Variants in CADM2 observed in about 807,000 individuals in gnomAD.
CADM2 encodes cell adhesion molecule 2.
CADM2 carries 12 observed loss-of-function variants against 49.8 expected under a neutral mutation model. The observed-to-expected ratio is 0.24, with a 90% CI of 0.15 to 0.39. CADM2 has a LOEUF of 0.39. Among genes scored for constraint, CADM2 ranks in the 10% least tolerant of loss-of-function variants. The pLI is 1.00. For synonymous variants in CADM2, 214 were observed against 175.4 expected (o/e 1.22, Z -1.74); for missense variants, 378 against 492.3 (o/e 0.77, Z 2.20).
At chr3:86,040,970 C>A (rs532034216) in intron 8 of CADM2, among the ~76,000 whole-genome samples, 1 of 152,086 alleles carries the variant, frequency 6.6e-6, no homozygotes, top group Non-Finnish European at 1.5e-5. Flanking sequence ...AATTTCATAT[C>A]CAGCCAAACT....
At chr3:85,354,365 AG>A (rs1348699271) in intron 1 of CADM2, among the ~76,000 whole-genome samples, 23 of 49,422 alleles carry the variant, frequency 4.7e-4, no homozygotes, top group South Asian at 1.6e-3. Flanking sequence ...GGGTGGGGGG[AG>A]GGGGGAGGGA....
At chr3:85,321,664 C>T (rs2044615588) in intron 1 of CADM2, among the ~76,000 whole-genome samples, 1 of 152,012 alleles carries the variant, frequency 6.6e-6, no homozygotes, top group East Asian at 1.9e-4. Flanking sequence ...GCTTATACAT[C>T]TCAAGTTCTG....
chr3:85,290,279 G>T (rs1167953756), intron 1 of CADM2, among the ~76,000 whole-genome samples: 1 of 152,140 alleles, frequency 6.6e-6, no homozygotes, highest in African/African-American at 2.4e-5. Flanking sequence ...ACCTGGCTCG[G>T]AGGGTCCTAC....
At chr3:85,884,675 C>T (rs1356035363) in intron 4 of CADM2, among the ~76,000 whole-genome samples, 1 of 150,972 alleles carries the variant, frequency 6.6e-6, no homozygotes, top group Non-Finnish European at 1.5e-5. Flanking sequence ...CTTTGTTGTT[C>T]CTGTTGTTTA....
intron 1 of CADM2, among the ~76,000 whole-genome samples, chr3:84,964,936 A>C (rs1002548338): frequency 2.0e-5 from 3 of 152,178 alleles, no homozygotes; most frequent in African/African-American, 4.8e-5. Context: ...GGTTTATGAA[A>C]GTTATCCTAA....
intron 1 of CADM2, among the ~76,000 whole-genome samples, chr3:85,329,740 A>C (rs1444439606): frequency 6.6e-6 from 1 of 151,872 alleles, no homozygotes; most frequent in East Asian, 1.9e-4. Context: ...CATATATAAC[A>C]TATGTTTCCA....
chr3:85,439,462 A>C (rs2037092267), intron 1 of CADM2, among the ~76,000 whole-genome samples: 1 of 152,112 alleles, frequency 6.6e-6, no homozygotes, highest in African/African-American at 2.4e-5. Context: ...CAATGACTTG[A>C]TTTTTGACTG....
intron 1 of CADM2, among the ~76,000 whole-genome samples, chr3:85,630,506 T>C (rs2064276695): frequency 1.3e-5 from 2 of 151,976 alleles, no homozygotes; most frequent in Non-Finnish European, 2.9e-5. Context: ...TATAAAATCA[T>C]GTGAGTAGAT....
chr3:85,669,705 C>G (rs2065678622), intron 1 of CADM2, among the ~76,000 whole-genome samples: 1 of 151,858 alleles, frequency 6.6e-6, no homozygotes, highest in African/African-American at 2.4e-5. Context: ...TTCATGGATC[C>G]CTAGAATGAT....
At chr3:85,264,513 T>C (rs535115238) in intron 1 of CADM2, among the ~76,000 whole-genome samples, 1 of 152,226 alleles carries the variant, frequency 6.6e-6, no homozygotes, top group Non-Finnish European at 1.5e-5. Flanking sequence ...ACTTGCCTAG[T>C]TTCTGGCACT....
intron 2 of CADM2, among the ~76,000 whole-genome samples, chr3:85,782,219 T>C (rs1216447099): frequency 6.6e-6 from 1 of 152,192 alleles, no homozygotes; most frequent in African/African-American, 2.4e-5. Context: ...GGTTTACTCA[T>C]AGGAGGTGTT....
chr3:85,699,821 C>T (rs961866535), intron 1 of CADM2, among the ~76,000 whole-genome samples: 1 of 152,210 alleles, frequency 6.6e-6, no homozygotes, highest in Non-Finnish European at 1.5e-5. Context: ...TTTACTTATG[C>T]AAATTTATGT....
chr3:85,659,324 G>C (rs1162378248), intron 1 of CADM2, among the ~76,000 whole-genome samples: 2 of 151,614 alleles, frequency 1.3e-5, no homozygotes, highest in Admixed American at 1.3e-4. Flanking sequence ...AATTTTTGCT[G>C]CCTGATACAT....
intron 1 of CADM2, among the ~76,000 whole-genome samples, chr3:85,073,578 C>T (rs1328932870): frequency 6.6e-6 from 1 of 152,056 alleles, no homozygotes; most frequent in African/African-American, 2.4e-5. Context: ...TTACAATGGC[C>T]TATAGTGCTT....
chr3:86,038,736 T>C (rs1735475920), intron 8 of CADM2, among the ~76,000 whole-genome samples: 1 of 152,196 alleles, frequency 6.6e-6, no homozygotes, highest in Admixed American at 6.5e-5. Context: ...AATTGTCAAA[T>C]AACTCTGCAT....
intron 1 of CADM2, among the ~76,000 whole-genome samples, chr3:85,193,218 T>A (rs1031169447): frequency 3.0e-4 from 45 of 152,112 alleles, no homozygotes; most frequent in African/African-American, 1.1e-3. Flanking sequence ...GTTGTCTGAC[T>A]TCATTTTTAA....
intron 8 of CADM2, among the ~76,000 whole-genome samples, chr3:86,060,812 TCTCTA>T (rs1738542710): frequency 6.6e-6 from 1 of 151,990 alleles, no homozygotes; most frequent in Admixed American, 6.6e-5. Flanking sequence ...TGAAACCTCA[TCTCTA>T]CTGAAAATAC....
At chr3:85,990,733 G>T (rs1728679424) in intron 8 of CADM2, among the ~76,000 whole-genome samples, 1 of 152,076 alleles carries the variant, frequency 6.6e-6, no homozygotes, top group African/African-American at 2.4e-5. Flanking sequence ...AAATGACTTT[G>T]TTCTTTTGTG....
chr3:85,563,746 G>T (rs1177732098), intron 1 of CADM2, among the ~76,000 whole-genome samples: 11 of 152,108 alleles, frequency 7.2e-5, no homozygotes, highest in African/African-American at 2.4e-4. Flanking sequence ...GCACGGTGAT[G>T]ACTAGCAACC....
Sources: allele counts gnomAD v4.1 joint callset (sites outside exome capture counted in the v4.1 genomes callset), GRCh38; gene constraint gnomAD v4.1.1; transcripts MANE v1.5; gene names NCBI Gene and HGNC (gene_info 2026-07-23, HGNC 2026-07-21).